The following RRP1 variants were observed in gnomAD, a reference collection of about 807,000 sequenced individuals.
RRP1 encodes the protein ribosomal RNA processing 1.
A neutral mutation model predicts 54.6 loss-of-function variants in RRP1; 37 were observed. That is an observed-to-expected ratio of 0.68 (90% CI 0.52 to 0.89). The LOEUF (loss-of-function observed/expected upper bound fraction) is 0.89, where lower values mean the gene tolerates loss of function less well. Among genes scored for constraint, RRP1 ranks in the 40% least tolerant of loss-of-function variants. The pLI is 0.00. For synonymous variants in RRP1, 262 were observed against 244.3 expected (o/e 1.07, Z -0.67); for missense variants, 639 against 612.5 (o/e 1.04, Z -0.46).
intron 9 of RRP1, among the ~76,000 whole-genome samples, 198 bp downstream of exon 9, chr21:43,799,847 G>C (rs1473773606): frequency 6.6e-6 from 1 of 152,178 alleles, no homozygotes; most frequent in African/African-American, 2.4e-5. Flanking sequence ...CATTGAGAGT[G>C]GGGCTGGGGC....
chr21:43,789,890 G>A, intron 1 of RRP1, 128 bp downstream of exon 1: 5 of 1,164,770 alleles, frequency 4.3e-6, no homozygotes, highest in Non-Finnish European at 5.7e-6. Context: ...CCGGGCAGGC[G>A]GGGTCCACTG....
chr21:43,800,585 C>T lies in RRP1; in HGVS notation c.960C>T (p.Asn320=), dbSNP rs770837066. ...MASRQSTPSQ[N]RKRLYKVIRK... ...GCCGCCAGAGCACCCCTTCTCAGAACAGAAAGCGTCTCTACAAAGTGATCC... is the reference window on the plus strand; with the variant it reads ...GCCGCCAGAGCACCCCTTCTCAGAATAGAAAGCGTCTCTACAAAGTGATCC... Residue 320 remains asparagine (N), a synonymous_variant, in exon 10 of 13, where the codon AAC becomes AAT. Coordinates refer to ENST00000497547, the MANE Select transcript of RRP1 (RefSeq NM_003683.6). 3.2e-5 allele frequency: 52 copies of T among 1,614,144 alleles called. No homozygotes were observed. Among genetic ancestry groups the T allele is most frequent in the Non-Finnish European group, 3.8e-5 (45 of 1,180,052 alleles).
At chr21:43,790,353 C>G (rs1178242937) in intron 1 of RRP1, 2 of 152,946 alleles carry the variant, frequency 1.3e-5, no homozygotes, top group Non-Finnish European at 2.9e-5. Context: ...CACAAAGGCC[C>G]AGGAGTCCAG....
intron 12 of RRP1, chr21:43,802,617 G>A: frequency 3.8e-6 from 2 of 524,416 alleles, no homozygotes; most frequent in Non-Finnish European, 7.0e-6. Flanking sequence ...CCCGAGCTGT[G>A]TGCGCTGCCC....
chr21:43,793,617 C>T (rs143357176), intron 4 of RRP1, among the ~76,000 whole-genome samples: 4 of 152,322 alleles, frequency 2.6e-5, no homozygotes, highest in African/African-American at 9.6e-5. Context: ...GCAAGGAATT[C>T]GACCCTTAAA....
rs972980784 is a variant in RRP1, at chr21:43,792,564, C to T, written c.217-108C>T. ...AGCTGAGACCCCCTGGAAGCCGACT[C>T]TCTGTGATGAGTGAGTGAGTGAGTG... On this transcript the variant is annotated intron_variant, in intron 2 of 12. Coordinates refer to ENST00000497547, the MANE Select transcript of RRP1 (RefSeq NM_003683.6). 79 of 1,109,652 alleles carry T rather than the reference C, an allele frequency of 7.1e-5. 1 individual carries two copies. Among genetic ancestry groups the T allele is most frequent in the Non-Finnish European group, 9.8e-5 (72 of 733,356 alleles). The allele number at this position is 1,109,652 out of a possible 1,614,324, so 68.7% of individuals were successfully genotyped here. A position where few individuals can be genotyped will look rare whatever the true frequency, so the allele number is the denominator to read the frequency against.
chr21:43,791,294 T>G (rs975991940), intron 1 of RRP1, 56 bp from the exon 2 acceptor site: 325 of 1,579,552 alleles, frequency 2.1e-4, no homozygotes, highest in Non-Finnish European at 2.7e-4. Context: ...TGGCTTCCTT[T>G]CTGGCACTCG....
At chr21:43,798,539 C>T (rs754191697) in intron 8 of RRP1, among the ~76,000 whole-genome samples, 6 of 152,154 alleles carry the variant, frequency 3.9e-5, no homozygotes, top group African/African-American at 4.8e-5. Flanking sequence ...ACTTGCTCCT[C>T]GTGTTCCTCG....
rs1488713879 is a variant in RRP1, at chr21:43,789,780, C to T, written c.133+18C>T. The T allele has an allele frequency of 2.0e-6, 3 of 1,497,054 alleles. No individual in the cohort carries two copies. Among genetic ancestry groups the T allele is most frequent in the Admixed American group, 4.5e-5 (2 of 44,040 alleles). The allele number at this position is 1,497,054 out of a possible 1,614,324, so 92.7% of individuals were successfully genotyped here. Reference sequence around the variant, plus strand: ...GGCCGCAGGTTGGCGGGGGTGTGGGCGGCTGGCGTCTCGGGGGCCGGCTGG... The same window carrying T: ...GGCCGCAGGTTGGCGGGGGTGTGGGTGGCTGGCGTCTCGGGGGCCGGCTGG... On this transcript the variant is annotated intron_variant, in intron 1 of 12. Transcript: ENST00000497547.
At chr21:43,795,608 C>T (rs578198991) in intron 5 of RRP1, among the ~76,000 whole-genome samples, 7 of 152,224 alleles carry the variant, frequency 4.6e-5, no homozygotes, top group Admixed American at 1.3e-4. Context: ...AGTGCAGTGG[C>T]GTGATCTTGG....
chr21:43,799,533 G>A (rs1182936226), intron 8 of RRP1, 37 bp from the exon 9 acceptor site: 3 of 1,535,170 alleles, frequency 2.0e-6, no homozygotes, highest in South Asian at 1.2e-5. Context: ...GCACACGTTG[G>A]GCACAGGTAG....
Position 43,793,407 on chromosome 21 carries a change from G to A in RRP1, c.360+3G>A, listed in dbSNP as rs1362185856. 1.2e-6 allele frequency: 2 copies of A among 1,612,598 alleles called. No individual in the cohort carries two copies. The highest frequency in any genetic ancestry group is 1.7e-6 in the Non-Finnish European group (2 of 1,179,802). ...TGCGCCTGGATAAATTCTACATGGT[G>A]AGGCAGCCACCAGGGTGCCGGCGGG... On this transcript the variant is annotated splice_donor_region_variant and intron_variant, in intron 4 of 12. Coordinates refer to ENST00000497547, the MANE Select transcript of RRP1 (RefSeq NM_003683.6).
intron 2 of RRP1, among the ~76,000 whole-genome samples, chr21:43,792,126 A>C (rs1311714306): frequency 6.6e-6 from 1 of 152,106 alleles, no homozygotes; most frequent in East Asian, 1.9e-4. Context: ...CTCCTTCAAA[A>C]TCTCCTGGGT....
intron 11 of RRP1, among the ~76,000 whole-genome samples, chr21:43,801,257 G>A (rs1425479896): frequency 3.3e-5 from 5 of 152,298 alleles, no homozygotes; most frequent in South Asian, 2.1e-4. Flanking sequence ...CCTAGTGGGC[G>A]TCGATGGTTA....
chr21:43,792,866 T>C, intron 3 of RRP1, 137 bp downstream of exon 3: 1 of 859,226 alleles, frequency 1.2e-6, no homozygotes, highest in South Asian at 1.5e-5. Context: ...CCAGCTGGTG[T>C]CTGTGGGTGC....
At chr21:43,791,885 C>G (rs1333077313) in intron 2 of RRP1, among the ~76,000 whole-genome samples, 2 of 152,130 alleles carry the variant, frequency 1.3e-5, no homozygotes, top group Non-Finnish European at 2.9e-5. Flanking sequence ...GCTGGTGGGC[C>G]TGGGCCTTTG....
rs892314431 is a variant in RRP1, at chr21:43,793,467, G to A, written c.360+63G>A. On this transcript the variant is annotated intron_variant, in intron 4 of 12. Transcript: ENST00000497547. Reference sequence around the variant, plus strand: ...CGCGGGTCTCAGTGCCTGGCCAAGCGAGACAGGCGGCACCTGGGCAGGGAG... The same window carrying A: ...CGCGGGTCTCAGTGCCTGGCCAAGCAAGACAGGCGGCACCTGGGCAGGGAG... 70 of 1,419,116 alleles carry A rather than the reference G, an allele frequency of 4.9e-5. 1 individual carries two copies. The South Asian group carries it at 6.4e-4, about 13-fold the overall frequency. 87.9% of individuals were successfully genotyped at this position (1,419,116 alleles called of 1,614,324 possible).
At chr21:43,791,504 T>G in intron 2 of RRP1, 72 bp downstream of exon 2, 4 of 1,411,160 alleles carry the variant, frequency 2.8e-6, no homozygotes, top group Non-Finnish European at 4.0e-6. Context: ...GTCAACCCAG[T>G]TTTTCTTTTT....
intron 5 of RRP1, 112 bp downstream of exon 5, chr21:43,795,362 C>G: frequency 1.0e-6 from 1 of 972,688 alleles, no homozygotes; most frequent in Non-Finnish European, 1.6e-6. Flanking sequence ...TTAACGCATG[C>G]CCCCAATCGT....
Sources: gnomAD v4.1 joint callset for allele counts (sites outside exome capture counted in the v4.1 genomes callset) on GRCh38, gnomAD v4.1.1 for gene constraint, MANE v1.5 for transcripts, NCBI Gene and HGNC (gene_info 2026-07-23, HGNC 2026-07-21) for gene names.